The following CFAP54 variants were observed in gnomAD, a reference collection of about 807,000 sequenced individuals.
The protein encoded by CFAP54 is cilia and flagella associated protein 54, also known as cilia- and flagella-associated protein 54.
CFAP54 carries 290 observed loss-of-function variants against 370.4 expected under a neutral mutation model. The ratio of observed to expected loss-of-function variants is 0.78; its 90% CI spans 0.71 to 0.86. The LOEUF (loss-of-function observed/expected upper bound fraction) is 0.86, where lower values mean the gene tolerates loss of function less well. Ranked by LOEUF, CFAP54 falls within the 40% of genes least tolerant of loss-of-function variation. The pLI, the probability that CFAP54 is intolerant of heterozygous loss-of-function variation, is 0.00. For synonymous variants in CFAP54, 1,206 were observed against 1,236.5 expected, an observed-to-expected ratio of 0.98 and a Z score of 0.52; for missense variants, 3,399 against 3,528.7, an observed-to-expected ratio of 0.96 and a Z score of 0.93.
At chr12:96,842,866 A>G (rs1284446431) in intron 66 of CFAP54, among the ~76,000 whole-genome samples, 5 of 152,244 alleles carry the variant, frequency 3.3e-5, no homozygotes, top group Non-Finnish European at 7.3e-5. Flanking sequence ...TACTAAAAAG[A>G]GTTAAATGAA....
intron 42 of CFAP54, among the ~76,000 whole-genome samples, chr12:96,685,558 GT>G (rs5800263): frequency 0.87 from 128,863 of 148,396 alleles, 56,253 homozygotes; most frequent in African/African-American, 0.96. Context: ...TGTTGTTTGG[GT>G]TTTTTTTTTT....
intron 66 of CFAP54, among the ~76,000 whole-genome samples, chr12:96,858,386 G>C (rs1023656416): frequency 2.0e-5 from 3 of 152,102 alleles, no homozygotes; most frequent in African/African-American, 7.2e-5. Flanking sequence ...ATAGATGCTG[G>C]ATATTAGAGA....
intron 15 of CFAP54, among the ~76,000 whole-genome samples, chr12:96,550,314 C>A (rs1267583493): frequency 6.6e-6 from 1 of 152,142 alleles, no homozygotes; most frequent in African/African-American, 2.4e-5. Flanking sequence ...TGGTGGTTCA[C>A]ACCTGTAATC....
At chr12:96,568,390 C>T (rs1017823840) in intron 19 of CFAP54, among the ~76,000 whole-genome samples, 1 of 152,016 alleles carries the variant, frequency 6.6e-6, no homozygotes, top group Non-Finnish European at 1.5e-5. Flanking sequence ...AGAATTTTCA[C>T]CAACGAGGAA....
intron 39 of CFAP54, among the ~76,000 whole-genome samples, chr12:96,669,169 G>A (rs182195713): frequency 4.7e-4 from 71 of 152,304 alleles, no homozygotes; most frequent in Non-Finnish European, 4.9e-4. Flanking sequence ...GGGGCTAACA[G>A]CAAAGGAAAA....
chr12:96,847,665 G>A (rs1592807228), intron 66 of CFAP54, among the ~76,000 whole-genome samples: 1 of 152,196 alleles, frequency 6.6e-6, no homozygotes, highest in African/African-American at 2.4e-5. Context: ...CTGTCTCATG[G>A]AGGTGCTTCT....
At chr12:96,570,750 T>A (rs1955909792) in intron 19 of CFAP54, among the ~76,000 whole-genome samples, 1 of 152,228 alleles carries the variant, frequency 6.6e-6, no homozygotes, top group Non-Finnish European at 1.5e-5. Context: ...ATTATTATTA[T>A]GATTACTCTG....
intron 23 of CFAP54, among the ~76,000 whole-genome samples, chr12:96,590,376 A>C (rs753395141): frequency 3.3e-5 from 5 of 152,346 alleles, no homozygotes; most frequent in South Asian, 4.1e-4. Flanking sequence ...GTTTTGAAGC[A>C]GGCTCAGAAA....
intron 62 of CFAP54, among the ~76,000 whole-genome samples, chr12:96,789,762 A>G (rs1232887261): frequency 6.6e-6 from 1 of 152,160 alleles, no homozygotes; most frequent in African/African-American, 2.4e-5. Flanking sequence ...CTTTTTTGAT[A>G]TAATTAGTGT....
At chr12:96,525,238 A>G (rs1011855337) in intron 8 of CFAP54, among the ~76,000 whole-genome samples, 3 of 151,374 alleles carry the variant, frequency 2.0e-5, no homozygotes, top group Admixed American at 1.3e-4. Flanking sequence ...CTTTTCTTTC[A>G]TTGTGTGAAT....
At position 96,651,822 on chromosome 12, in the gene CFAP54, A is replaced by AGG; in HGVS notation, c.5100+7_5100+8insGG. 6.6e-7 allele frequency: 1 copy of AGG among 1,506,990 alleles called. No homozygotes were observed. Among genetic ancestry groups the AGG allele is most frequent in the South Asian group, 1.1e-5 (1 of 87,502 alleles). 93.4% of individuals were successfully genotyped at this position (1,506,990 alleles called of 1,614,324 possible). The stretch of plus-strand genomic sequence containing the variant: ...AAATACCAGTTCTATTAAGGTAAAG[A>AGG]CACTTTGGTAATTATTTTTATTATA... On this transcript the variant is annotated splice_region_variant and intron_variant, in intron 36 of 67. Transcript: ENST00000524981.
chr12:96,515,578 G>A (rs1955221318), intron 5 of CFAP54, among the ~76,000 whole-genome samples: 1 of 152,188 alleles, frequency 6.6e-6, no homozygotes, highest in South Asian at 2.1e-4. Flanking sequence ...TGTGTGAGAT[G>A]TCCTGGGTCT....
At position 96,540,872 on chromosome 12, in the gene CFAP54, T is replaced by G; in HGVS notation, c.1962T>G (p.Ile654Met). Residue 654 changes from isoleucine (I) to methionine (M), a missense_variant, in exon 14 of 68, where the codon ATT becomes ATG. By Grantham distance (10) the Ile-to-Met change is conservative (BLOSUM62 1). Around this residue, in one of 3 missense-constraint regions of CFAP54, gnomAD observed 2,796 missense variants for 2,869.7 expected, o/e 0.97. Transcript: ENST00000524981. ...IYLLWQINEV[I>M]HCYKMEDIDI... ...TTCTGTGGCAGATAAATGAAGTAAT[T>G]CACTGCTATAAAATGGAAGACATTG... 6.7e-7 allele frequency: 1 copy of G among 1,484,952 alleles called. No homozygotes were observed. The highest frequency in any genetic ancestry group is 1.4e-5 in the South Asian group (1 of 73,084). 92.0% of individuals were successfully genotyped at this position (1,484,952 alleles called of 1,614,324 possible).
chr12:96,771,819 C>T (rs1958466021), intron 60 of CFAP54, among the ~76,000 whole-genome samples: 1 of 152,184 alleles, frequency 6.6e-6, no homozygotes, highest in Non-Finnish European at 1.5e-5. Flanking sequence ...GAAGCGATTG[C>T]AAAGGGATCC....
intron 58 of CFAP54, among the ~76,000 whole-genome samples, chr12:96,758,094 A>G (rs1012404420): frequency 2.6e-5 from 4 of 152,194 alleles, no homozygotes; most frequent in African/African-American, 9.6e-5. Flanking sequence ...GGAAGATGTT[A>G]AAGCAGTGTC....
At chr12:96,537,858 C>T (rs999472599) in intron 12 of CFAP54, among the ~76,000 whole-genome samples, 3 of 151,846 alleles carry the variant, frequency 2.0e-5, no homozygotes, top group African/African-American at 4.8e-5. Context: ...GATGGCACGG[C>T]AGGTGGATCA....
At chr12:96,799,153 T>C (rs539851645) in intron 63 of CFAP54, among the ~76,000 whole-genome samples, 8 of 152,296 alleles carry the variant, frequency 5.3e-5, no homozygotes, top group African/African-American at 1.9e-4. Context: ...TCAGTATCAA[T>C]CCATGAATTA....
intron 55 of CFAP54, 125 bp downstream of exon 55, chr12:96,744,271 A>T: frequency 1.2e-6 from 1 of 826,074 alleles, no homozygotes; most frequent in South Asian, 1.9e-5. Context: ...GGCTCCATTT[A>T]TTTAACCAAT....
At chr12:96,637,742 T>G (rs1253221609) in intron 32 of CFAP54, among the ~76,000 whole-genome samples, 1 of 152,164 alleles carries the variant, frequency 6.6e-6, no homozygotes, top group Non-Finnish European at 1.5e-5. Context: ...AAGGAGAAAC[T>G]GAAAAATAAT....
Sources: allele counts gnomAD v4.1 joint callset (sites outside exome capture counted in the v4.1 genomes callset), GRCh38; gene constraint gnomAD v4.1.1; regional missense constraint gnomAD v4.1.1; transcripts MANE v1.5; gene names NCBI Gene and HGNC (gene_info 2026-07-23, HGNC 2026-07-21).